DNAH17: variants seen among roughly 807,000 people sequenced by gnomAD.
The protein encoded by DNAH17 is dynein axonemal heavy chain 17, also known as axonemal beta dynein heavy chain 17.
DNAH17 carries 376 observed loss-of-function variants against 485.6 expected under a neutral mutation model. The ratio of observed to expected loss-of-function variants is 0.77; its 90% CI spans 0.71 to 0.84. The LOEUF is 0.84. Ranked by LOEUF, DNAH17 falls within the 40% of genes least tolerant of loss-of-function variation. The pLI, the probability that DNAH17 is intolerant of heterozygous loss-of-function variation, is 0.00. For synonymous variants in DNAH17, 3,031 were observed against 2,405.9 expected (o/e 1.26, Z -7.60); for missense variants, 6,370 against 5,839.3 (o/e 1.09, Z -2.96).
chr17:78,495,992 G>T lies in DNAH17; in HGVS notation c.5786C>A (p.Ala1929Glu), dbSNP rs1485321358. The T allele has an allele frequency of 1.2e-6, 2 of 1,613,934 alleles. No homozygotes were observed. Among genetic ancestry groups the T allele is most frequent in the African/African-American group, 2.7e-5 (2 of 75,046 alleles). ...TATGATCTCTCCCAGGAAATTGAAT[G>T]CTTTTTTCTTGGCCCGAATTGCATC... is the stretch of plus-strand genomic sequence containing the variant. The part of the protein sequence containing the change: ...VQDAIRAKKK[A>E]FNFLGEIIGL... Residue 1929 changes from alanine (A) to glutamate (E), a missense_variant, in exon 38 of 81, where the codon GCA (alanine) becomes GAA (glutamate). Ala to Glu is a moderately radical substitution (Grantham distance 107). Transcript: ENST00000389840.
In DNAH17 at chr17:78,532,923, C is replaced by G. The variant is rs1247764744; in HGVS notation, c.2860-187G>C. 4.8e-6 allele frequency: 3 copies of G among 620,974 alleles called. No individual in the cohort carries two copies. The African/African-American group carries it at 5.5e-5, about 11-fold the overall frequency. 38.5% of individuals were successfully genotyped at this position (620,974 alleles called of 1,614,324 possible). On this transcript the variant is annotated intron_variant, in intron 19 of 80. Transcript: ENST00000389840. ...TTAGGCAACCTGGTGGTCCCCCACT[C>G]CTGGGAGGTCACCATACTGATGCCA... is the stretch of plus-strand genomic sequence containing the variant.
chr17:78,506,680 A>T (rs757972236), intron 30 of DNAH17, 40 bp downstream of exon 30: 17 of 1,612,942 alleles, frequency 1.1e-5, no homozygotes, highest in Non-Finnish European at 1.4e-5. Flanking sequence ...GTCTGGCATG[A>T]TGTTGGCTTA....
chr17:78,472,028 C>T lies in DNAH17; in HGVS notation c.8512-3145G>A, dbSNP rs536785837. ...ACTGAAGCTGGATCTGCCTGCGTCC[C>T]TATCATCACTGTCAGCCAAGGACGG... is the stretch of plus-strand genomic sequence containing the variant. On this transcript the variant is annotated intron_variant, in intron 54 of 80. Transcript: ENST00000389840. Among the ~76,000 whole-genome samples, 5 of 152,322 alleles carry T rather than the reference C, an allele frequency of 3.3e-5. No individual in the cohort carries two copies. In the East Asian group the frequency reaches 7.7e-4, roughly 24 times the overall value.
chr17:78,553,371 G>A (rs2091953080), intron 14 of DNAH17, among the ~76,000 whole-genome samples: 1 of 127,858 alleles, frequency 7.8e-6, no homozygotes. Context: ...GCGTGATCTT[G>A]GCTCACTGCA....
intron 25 of DNAH17, among the ~76,000 whole-genome samples, chr17:78,523,147 C>T (rs2090976906): frequency 1.3e-5 from 2 of 152,076 alleles, no homozygotes; most frequent in South Asian, 4.1e-4. Flanking sequence ...TGAGCCACTA[C>T]ACCTAGCCTC....
chr17:78,477,578 C>CATG, intron 51 of DNAH17, among the ~76,000 whole-genome samples: 1 of 152,260 alleles, frequency 6.6e-6, no homozygotes, highest in East Asian at 1.9e-4. Context: ...AGGGTTTCAC[C>CATG]ATGTTGGCCA....
chr17:78,569,183 G>C lies in DNAH17; in HGVS notation c.1267C>G (p.Arg423Gly), dbSNP rs781391000. 1 of 1,604,956 alleles carries C rather than the reference G, an allele frequency of 6.2e-7. No homozygotes were observed. The highest frequency in any genetic ancestry group is 8.5e-7 in the Non-Finnish European group (1 of 1,175,732). Residue 423 changes from arginine to glycine, a missense_variant, in exon 9 of 81, where the codon CGC becomes GGC. Transcript: ENST00000389840. ...AFSRINSFFQ[R>G]IQTIEELYKT... ...GTTTTTACCTCAATGGTCTGGATGC[G>C]CTGGAAGAAGGAATTTATCCTGGAA...
intron 9 of DNAH17, 96 bp downstream of exon 9, chr17:78,569,070 T>G: frequency 4.2e-6 from 4 of 951,704 alleles, no homozygotes; most frequent in East Asian, 2.7e-5. Context: ...GCCTGGGGGA[T>G]TATTGGCAAG....
intron 42 of DNAH17, 145 bp downstream of exon 42, chr17:78,492,488 A>G (rs1290205161): frequency 2.9e-5 from 33 of 1,156,776 alleles, no homozygotes; most frequent in Non-Finnish European, 3.4e-5. Context: ...CTTTGTTACC[A>G]TGGTGCCACC....
At chr17:78,431,322 G>C (rs2086662869) in intron 75 of DNAH17, among the ~76,000 whole-genome samples, 1 of 152,184 alleles carries the variant, frequency 6.6e-6, no homozygotes, top group African/African-American at 2.4e-5. Flanking sequence ...CAGCGTCTGT[G>C]TCTCCCGAGA....
Position 78,567,313 on chromosome 17 carries a change from CTG to C in DNAH17, c.1285-149_1285-148del, listed in dbSNP as rs2092283611. The C allele has an allele frequency of 8.1e-6, 6 of 743,930 alleles. No homozygotes were observed. In the Admixed American group the frequency reaches 8.4e-5, roughly 10 times the overall value. 46.1% of individuals were successfully genotyped at this position (743,930 alleles called of 1,614,324 possible). A position where few individuals can be genotyped will look rare whatever the true frequency, so the allele number is the denominator to read the frequency against. On this transcript the variant is annotated intron_variant, in intron 9 of 80. Coordinates refer to ENST00000389840, the MANE Select transcript of DNAH17 (RefSeq NM_173628.4). ...AACCATGGGGGTGGGAGGACACCCT[CTG>C]TGTCTGTGCTGTTCTTTAAGCAAAT...
chr17:78,476,979 A>T (rs1314806711), intron 51 of DNAH17, among the ~76,000 whole-genome samples: 1 of 152,180 alleles, frequency 6.6e-6, no homozygotes, highest in African/African-American at 2.4e-5. Flanking sequence ...TTGGGGCCTC[A>T]TCCTCCAGAA....
chr17:78,478,710 C>A lies in DNAH17; in HGVS notation c.7992+315G>T, dbSNP rs574530919. 1.9e-4 allele frequency among the ~76,000 whole-genome samples: 27 copies of A among 140,506 alleles called. 1 individual carries two copies. The South Asian group carries it at 5.7e-3, about 29-fold the overall frequency. The allele number at this position is 140,506 out of a possible 152,430, so 92.2% of individuals were successfully genotyped here. A position where few individuals can be genotyped will look rare whatever the true frequency, so the allele number is the denominator to read the frequency against. On this transcript the variant is annotated intron_variant, in intron 51 of 80. Coordinates refer to ENST00000389840, the MANE Select transcript of DNAH17 (RefSeq NM_173628.4). ...ACAATTATTACCATCATTACCATCA[C>A]CACCACTATTGCCATCATCACCACC...
intron 1 of DNAH17, among the ~76,000 whole-genome samples, chr17:78,576,340 A>C (rs2092432509): frequency 6.6e-6 from 1 of 152,192 alleles, no homozygotes. Flanking sequence ...AAATGGTCTG[A>C]GATTTATTCA....
intron 37 of DNAH17, among the ~76,000 whole-genome samples, chr17:78,498,381 C>G (rs2090152084): frequency 6.6e-6 from 1 of 152,220 alleles, no homozygotes; most frequent in African/African-American, 2.4e-5. Flanking sequence ...TTACCTTAGA[C>G]AGCCCAGTGC....
intron 34 of DNAH17, 93 bp from the exon 35 acceptor site, chr17:78,501,437 G>C: frequency 1.4e-6 from 2 of 1,444,112 alleles, no homozygotes; most frequent in African/African-American, 2.8e-5. Flanking sequence ...CCGGTCCCCT[G>C]CTGCCCAGGG....
Position 78,539,835 on chromosome 17 carries a change from T to C in DNAH17, c.2578A>G (p.Lys860Glu), listed in dbSNP as rs539671696. ...FRADTLSLPWKDYVIYIDDMV... is the reference protein window; with the variant it reads ...FRADTLSLPWEDYVIYIDDMV... ...TCGTCAATGTAGATGACATAATCCT[T>C]CCAGGGCAGGCTCAGTGTGTCTGCC... is the stretch of plus-strand genomic sequence containing the variant. The change falls in exon 18 of 81, where the codon AAG becomes GAG. Residue 860 changes from lysine to glutamate, a missense_variant. Lys to Glu is a moderately conservative substitution (Grantham distance 56, BLOSUM62 1). Coordinates refer to ENST00000389840, the MANE Select transcript of DNAH17 (RefSeq NM_173628.4). The C allele has an allele frequency of 2.3e-5, 37 of 1,611,216 alleles. 2 individuals carry two copies. The South Asian group carries it at 4.1e-4, about 18-fold the overall frequency.
chr17:78,494,446 ACG>A (rs2089990569), intron 40 of DNAH17, 145 bp downstream of exon 40: 1 of 1,020,904 alleles, frequency 9.8e-7, no homozygotes, highest in Admixed American at 2.6e-5. Flanking sequence ...GGCCAGGGCC[ACG>A]GAGGCAGCTG....
chr17:78,544,526 G>A (rs1281001364), intron 16 of DNAH17, among the ~76,000 whole-genome samples: 1 of 151,688 alleles, frequency 6.6e-6, no homozygotes, highest in African/African-American at 2.4e-5. Context: ...CACTTGGCCG[G>A]GCGCGGTGGC....
Sources: gnomAD v4.1 joint callset for allele counts (sites outside exome capture counted in the v4.1 genomes callset) on GRCh38, gnomAD v4.1.1 for gene constraint, MANE v1.5 for transcripts, NCBI Gene and HGNC (gene_info 2026-07-23, HGNC 2026-07-21) for gene names.